Variants in FNDC3B observed in about 807,000 individuals in gnomAD.
FNDC3B encodes fibronectin type III domain containing 3B.
Under a neutral mutation model 151.5 loss-of-function variants are expected in FNDC3B, and 12 were observed. The observed-to-expected ratio is 0.08, with a 90% confidence interval of 0.05 to 0.13. FNDC3B has a LOEUF of 0.13. Among genes scored for constraint, FNDC3B ranks in the 10% least tolerant of loss-of-function variants. The pLI, the probability that FNDC3B is intolerant of heterozygous loss-of-function variation, is 1.00. For synonymous variants in FNDC3B, 528 were observed against 549.0 expected (o/e 0.96, Z 0.54); for missense variants, 1,214 against 1,505.3 (o/e 0.81, Z 3.20).
chr3:172,369,469 G>T (rs924658050), intron 23 of FNDC3B, among the ~76,000 whole-genome samples: 29 of 151,392 alleles, frequency 1.9e-4, no homozygotes, highest in African/African-American at 6.8e-4. Flanking sequence ...CGAAAAAAAA[G>T]TTTTTTTTTG....
At chr3:172,067,518 T>C (rs951407430) in intron 1 of FNDC3B, among the ~76,000 whole-genome samples, 1 of 152,198 alleles carries the variant, frequency 6.6e-6, no homozygotes, top group Admixed American at 6.5e-5. Flanking sequence ...TTATAGAAGA[T>C]CATAAAATAA....
chr3:172,241,171 G>A (rs1003894666), intron 4 of FNDC3B, among the ~76,000 whole-genome samples: 1 of 152,114 alleles, frequency 6.6e-6, no homozygotes, highest in Non-Finnish European at 1.5e-5. Flanking sequence ...TTTTAAATCA[G>A]GCAAGGCTTG....
At chr3:172,144,214 G>A (rs1721786675) in intron 3 of FNDC3B, among the ~76,000 whole-genome samples, 1 of 152,090 alleles carries the variant, frequency 6.6e-6, no homozygotes, top group Non-Finnish European at 1.5e-5. Flanking sequence ...TAAACAACCA[G>A]ATCTCCTGTG....
chr3:172,272,207 G>T (rs961914011), intron 6 of FNDC3B, among the ~76,000 whole-genome samples: 1 of 152,208 alleles, frequency 6.6e-6, no homozygotes, highest in African/African-American at 2.4e-5. Context: ...CTATAAGAGA[G>T]TGGGGACTGG....
At chr3:172,244,612 T>G (rs1222322104) in intron 4 of FNDC3B, among the ~76,000 whole-genome samples, 4 of 146,892 alleles carry the variant, frequency 2.7e-5, no homozygotes, top group African/African-American at 1.0e-4. Flanking sequence ...GAATTAATAT[T>G]TCACCTTTTT....
intron 4 of FNDC3B, among the ~76,000 whole-genome samples, chr3:172,246,813 G>C (rs1047215656): frequency 4.6e-5 from 7 of 152,174 alleles, no homozygotes; most frequent in African/African-American, 1.4e-4. Context: ...AGTGTTGATT[G>C]GCTTGCTTTT....
chr3:172,047,409 A>G (rs1716418450), intron 1 of FNDC3B, among the ~76,000 whole-genome samples: 1 of 152,234 alleles, frequency 6.6e-6, no homozygotes, highest in Admixed American at 6.5e-5. Context: ...TTGGCTGCCT[A>G]TTCTGTATGA....
chr3:172,051,135 G>A (rs1716631896), intron 1 of FNDC3B, among the ~76,000 whole-genome samples: 3 of 148,812 alleles, frequency 2.0e-5, no homozygotes, highest in Non-Finnish European at 3.0e-5. Flanking sequence ...CCAGGCTGGA[G>A]TGCAATGGCG....
intron 1 of FNDC3B, among the ~76,000 whole-genome samples, chr3:172,102,368 GCAAT>G (rs1023958511): frequency 6.6e-6 from 1 of 152,110 alleles, no homozygotes; most frequent in African/African-American, 2.4e-5. Flanking sequence ...TTTCCAGAAA[GCAAT>G]CAGTTGTTTG....
intron 11 of FNDC3B, among the ~76,000 whole-genome samples, chr3:172,313,046 TTTC>T (rs144904737): frequency 9.2e-4 from 140 of 152,318 alleles, no homozygotes; most frequent in African/African-American, 3.1e-3. Context: ...TCCTCTCACT[TTTC>T]TTAATTCCCT....
intron 1 of FNDC3B, among the ~76,000 whole-genome samples, chr3:172,072,910 C>G (rs559861274): frequency 6.6e-6 from 1 of 152,192 alleles, no homozygotes; most frequent in East Asian, 1.9e-4. Flanking sequence ...TTCATCTAAG[C>G]CTTTATGTGG....
In FNDC3B at chr3:172,274,500, C is replaced by T. The variant is rs376406290; in HGVS notation, c.791-11426C>T. Among the ~76,000 whole-genome samples the T allele has an allele frequency of 1.2e-4, 17 of 141,666 alleles. No individual in the cohort carries two copies. In the South Asian group the frequency reaches 2.9e-3, roughly 24 times the overall value. The allele number at this position is 141,666 out of a possible 152,430, so 92.9% of individuals were successfully genotyped here. A position where few individuals can be genotyped will look rare whatever the true frequency, so the allele number is the denominator to read the frequency against. ...CTGGGTTCTTTTAGATTTTCCTGTG[C>T]GATCTTGACCAGATTCATAAAATCT... On this transcript the variant is annotated intron_variant, in intron 6 of 25. Coordinates refer to ENST00000415807, the MANE Select transcript of FNDC3B (RefSeq NM_022763.4).
At chr3:172,093,357 C>T (rs914402011) in intron 1 of FNDC3B, among the ~76,000 whole-genome samples, 2 of 151,542 alleles carry the variant, frequency 1.3e-5, no homozygotes, top group African/African-American at 4.9e-5. Flanking sequence ...CTCCCGGGTT[C>T]ACGCCATTCT....
At chr3:172,245,497 G>A (rs1218308661) in intron 4 of FNDC3B, among the ~76,000 whole-genome samples, 1 of 151,586 alleles carries the variant, frequency 6.6e-6, no homozygotes, top group East Asian at 1.9e-4. Flanking sequence ...GGTGAGGAGG[G>A]AAATAAGACA....
At chr3:172,267,005 G>A (rs970536439) in intron 6 of FNDC3B, among the ~76,000 whole-genome samples, 5 of 152,196 alleles carry the variant, frequency 3.3e-5, no homozygotes, top group South Asian at 2.1e-4. Context: ...CCTACTATCC[G>A]CTATATGCTT....
intron 4 of FNDC3B, among the ~76,000 whole-genome samples, chr3:172,232,655 A>C (rs1380682092): frequency 1.1e-4 from 16 of 152,120 alleles, no homozygotes; most frequent in Admixed American, 9.2e-4. Flanking sequence ...TTTTTAAACT[A>C]TGAGAAAGTG....
At chr3:172,345,238 A>C (rs1250346688) in intron 19 of FNDC3B, among the ~76,000 whole-genome samples, 6 of 152,248 alleles carry the variant, frequency 3.9e-5, no homozygotes, top group Non-Finnish European at 7.3e-5. Context: ...AAAACAAAAA[A>C]GTCTGAACAT....
chr3:172,355,592 G>T (rs1458488398), intron 22 of FNDC3B, among the ~76,000 whole-genome samples: 2 of 152,108 alleles, frequency 1.3e-5, no homozygotes, highest in Non-Finnish European at 2.9e-5. Flanking sequence ...GAAAACCTTG[G>T]CCCTAGAGCA....
At chr3:172,198,440 A>G (rs937687965) in intron 3 of FNDC3B, among the ~76,000 whole-genome samples, 2 of 152,226 alleles carry the variant, frequency 1.3e-5, no homozygotes, top group African/African-American at 4.8e-5. Flanking sequence ...GTAGTTTGAT[A>G]TCAAGGAGTT....
Sources: allele counts gnomAD v4.1 joint callset (sites outside exome capture counted in the v4.1 genomes callset), GRCh38; gene constraint gnomAD v4.1.1; transcripts MANE v1.5; gene names NCBI Gene and HGNC (gene_info 2026-07-23, HGNC 2026-07-21).